The following SOX6 variants were observed in gnomAD, a reference collection of about 807,000 sequenced individuals.
The protein encoded by SOX6 is transcription factor SOX-6.
SOX6 carries 11 observed loss-of-function variants against 97.8 expected under a neutral mutation model. The ratio of observed to expected loss-of-function variants is 0.11; its 90% CI spans 0.07 to 0.19. The LOEUF (loss-of-function observed/expected upper bound fraction) is 0.19. SOX6 is among the 10% of genes least tolerant of loss of function. The pLI, the probability that SOX6 is intolerant of heterozygous loss-of-function variation, is 1.00. For synonymous variants in SOX6, 360 were observed against 371.4 expected (o/e 0.97, Z 0.35); for missense variants, 810 against 1,039.5 (o/e 0.78, Z 3.04).
intron 4 of SOX6, among the ~76,000 whole-genome samples, chr11:16,502,420 C>T (rs1312436355): frequency 1.3e-5 from 2 of 151,360 alleles, no homozygotes; most frequent in African/African-American, 2.4e-5. Flanking sequence ...ATGTAACAAA[C>T]GTGCACGTTG....
In SOX6 at chr11:16,707,828, T is replaced by C. The variant is rs149376124; in HGVS notation, n.429+7002A>G. ...GTAAAGAATGCCCCTGAGTTCATCT[T>C]AATCCACTTTTTCAGATTTTCAGAT... On this transcript the variant is annotated intron_variant and non_coding_transcript_variant, in intron 3 of 5. Coordinates refer to the SOX6 transcript ENST00000524520. Among the ~76,000 whole-genome samples the C allele has an allele frequency of 7.7e-3, 1,173 of 152,316 alleles. 14 individuals are homozygous for C. Among genetic ancestry groups the C allele is most frequent in the African/African-American group, 0.027 (1,119 of 41,582 alleles).
At chr11:16,553,323 A>G (rs888341946) in intron 4 of SOX6, among the ~76,000 whole-genome samples, 4 of 152,204 alleles carry the variant, frequency 2.6e-5, no homozygotes, top group Admixed American at 1.3e-4. Context: ...TGGCAACTGT[A>G]TTTATACTCA....
intron 4 of SOX6, among the ~76,000 whole-genome samples, chr11:16,589,433 T>C (rs1589997247): frequency 2.0e-5 from 3 of 152,294 alleles, no homozygotes; most frequent in East Asian, 1.9e-4. Context: ...TTGTAGATAA[T>C]ATAATCTAGT....
intron 4 of SOX6, among the ~76,000 whole-genome samples, chr11:16,517,787 A>C (rs1338548382): frequency 6.6e-6 from 1 of 152,202 alleles, no homozygotes. Flanking sequence ...AATCCTCTAA[A>C]GTATATCTAC....
intron 6 of SOX6, among the ~76,000 whole-genome samples, chr11:16,130,067 T>C (rs1205992964): frequency 6.6e-6 from 1 of 152,038 alleles, no homozygotes; most frequent in African/African-American, 2.4e-5. Flanking sequence ...AAGAATTTTT[T>C]TAAAGTGGCC....
intron 4 of SOX6, among the ~76,000 whole-genome samples, chr11:16,599,151 AT>A (rs1219562203): frequency 1.3e-5 from 2 of 152,200 alleles, no homozygotes; most frequent in Non-Finnish European, 2.9e-5. Context: ...ATTTAATAAT[AT>A]CACGTTAGGC....
chr11:16,481,777 C>T (rs1860347425), intron 4 of SOX6, among the ~76,000 whole-genome samples: 2 of 152,052 alleles, frequency 1.3e-5, no homozygotes, highest in South Asian at 4.1e-4. Context: ...TCAGGACTCC[C>T]TTACAGTCCT....
intron 14 of SOX6, 23 bp from the exon 15 acceptor site, chr11:15,986,443 G>T: frequency 6.2e-7 from 1 of 1,611,318 alleles, no homozygotes; most frequent in Non-Finnish European, 8.5e-7. Context: ...ATAGCCTTAA[G>T]TACCCAAGTG....
intron 2 of SOX6, among the ~76,000 whole-genome samples, chr11:16,323,958 G>A (rs1407119001): frequency 6.6e-6 from 1 of 151,956 alleles, no homozygotes; most frequent in Non-Finnish European, 1.5e-5. Flanking sequence ...TCAAGCAGGA[G>A]GATCACTTCA....
intron 3 of SOX6, among the ~76,000 whole-genome samples, chr11:16,252,994 A>C (rs1049023122): frequency 6.6e-6 from 1 of 152,134 alleles, no homozygotes; most frequent in Non-Finnish European, 1.5e-5. Flanking sequence ...TACCCAGTAC[A>C]TCATGTCTGC....
intron 3 of SOX6, among the ~76,000 whole-genome samples, chr11:16,670,867 GCCATCACTCAATGGGAAGAGGAGTCC>G (rs145617218): frequency 0.17 from 25,790 of 151,990 alleles, 2,737 homozygotes; most frequent in East Asian, 0.32. Flanking sequence ...ATGAACTACA[GCCATCACTCAATGGGAAGAGGAGTCC>G]CCATCACTCA....
chr11:16,397,282 T>G (rs142873322), intron 1 of SOX6, among the ~76,000 whole-genome samples: 64 of 151,694 alleles, frequency 4.2e-4, no homozygotes, highest in African/African-American at 1.4e-3. Flanking sequence ...TACTTTTTAG[T>G]TACTGTCTAC....
intron 6 of SOX6, among the ~76,000 whole-genome samples, chr11:16,149,934 A>G (rs569918108): frequency 6.6e-6 from 1 of 152,148 alleles, no homozygotes; most frequent in Non-Finnish European, 1.5e-5. Context: ...GGTTGTTTTG[A>G]CTACACCACT....
At chr11:16,387,230 T>C (rs1320501418) in intron 1 of SOX6, among the ~76,000 whole-genome samples, 1 of 152,162 alleles carries the variant, frequency 6.6e-6, no homozygotes, top group African/African-American at 2.4e-5. Context: ...AGCAAAAGAA[T>C]ACTTTTTAAA....
chr11:16,111,709 T>C (rs2133994571), intron 7 of SOX6, 94 bp downstream of exon 7: 1 of 1,482,348 alleles, frequency 6.7e-7, no homozygotes, highest in East Asian at 2.3e-5. Context: ...TTATTCATAG[T>C]TCCCTGGCAT....
chr11:16,158,734 T>G (rs553963901), intron 6 of SOX6, among the ~76,000 whole-genome samples: 4 of 151,982 alleles, frequency 2.6e-5, no homozygotes, highest in Non-Finnish European at 4.4e-5. Flanking sequence ...TGATATAAAA[T>G]TTTGCTCTAT....
intron 4 of SOX6, among the ~76,000 whole-genome samples, chr11:16,232,082 G>A (rs1377124491): frequency 1.3e-5 from 2 of 151,602 alleles, no homozygotes; most frequent in African/African-American, 4.8e-5. Context: ...AATACACAAT[G>A]CTTGAGATAT....
chr11:16,524,451 T>G (rs557358691), intron 4 of SOX6, among the ~76,000 whole-genome samples: 31 of 152,244 alleles, frequency 2.0e-4, no homozygotes, highest in African/African-American at 7.2e-4. Context: ...ATAAAAACTC[T>G]CAATAAATTA....
chr11:16,373,897 GAGGA>G (rs1565119085), intron 1 of SOX6, among the ~76,000 whole-genome samples: 4 of 119,612 alleles, frequency 3.3e-5, no homozygotes, highest in African/African-American at 6.5e-5. Flanking sequence ...GGGAGGGAGG[GAGGA>G]AGGGAGGGAG....
Sources: gnomAD v4.1 joint callset for allele counts (sites outside exome capture counted in the v4.1 genomes callset) on GRCh38, gnomAD v4.1.1 for gene constraint, MANE v1.5 for transcripts, NCBI Gene and HGNC (gene_info 2026-07-23, HGNC 2026-07-21) for gene names.